SUPT3H: variants seen among roughly 807,000 people sequenced by gnomAD.
SUPT3H encodes the protein transcription initiation protein SPT3 homolog.
Under a neutral mutation model 44.3 loss-of-function variants are expected in SUPT3H, and 44 were observed. The observed-to-expected ratio is 0.99, with a 90% confidence interval of 0.78 to 1.28. SUPT3H has a LOEUF of 1.28. Among genes scored for constraint, SUPT3H ranks in the 50% most tolerant of loss-of-function variants. The pLI, the probability that SUPT3H is intolerant of heterozygous loss-of-function variation, is 0.00. For missense variants in SUPT3H, 380 were observed against 387.1 expected, an observed-to-expected ratio of 0.98 and a Z score of 0.15; for synonymous variants, 124 against 125.6, an observed-to-expected ratio of 0.99 and a Z score of 0.09.
At chr6:45,182,457 TCA>T (rs1447975734) in intron 2 of SUPT3H, among the ~76,000 whole-genome samples, 1 of 152,104 alleles carries the variant, frequency 6.6e-6, no homozygotes, top group Non-Finnish European at 1.5e-5. Context: ...AGATGGGGTT[TCA>T]CCACGCTGGC....
intron 9 of SUPT3H, among the ~76,000 whole-genome samples, chr6:44,942,634 T>C (rs1772641688): frequency 6.6e-6 from 1 of 152,172 alleles, no homozygotes; most frequent in Non-Finnish European, 1.5e-5. Context: ...GGTCTCACTA[T>C]GTCCGGGCTA....
intron 3 of SUPT3H, among the ~76,000 whole-genome samples, chr6:45,084,810 A>G (rs777344332): frequency 6.6e-6 from 1 of 152,216 alleles, no homozygotes; most frequent in Non-Finnish European, 1.5e-5. Flanking sequence ...TGTCCTTTGC[A>G]GAAACATTGA....
intron 11 of SUPT3H, among the ~76,000 whole-genome samples, chr6:44,810,729 A>G (rs1045317066): frequency 2.6e-5 from 4 of 152,016 alleles, no homozygotes; most frequent in Non-Finnish European, 5.9e-5. Flanking sequence ...AACATGGTGA[A>G]ACTCCGTCTC....
chr6:45,356,504 T>C (rs1015484989), intron 2 of SUPT3H, among the ~76,000 whole-genome samples: 1 of 151,940 alleles, frequency 6.6e-6, no homozygotes, highest in Admixed American at 6.6e-5. Flanking sequence ...ATCAAGCAAT[T>C]CTCCTGCCTC....
chr6:44,816,913 A>T (rs980227463), intron 11 of SUPT3H, among the ~76,000 whole-genome samples: 3 of 151,618 alleles, frequency 2.0e-5, no homozygotes, highest in African/African-American at 7.3e-5. Flanking sequence ...AACAAAAAAA[A>T]TGCCAGGCAT....
At chr6:45,151,820 A>G (rs1214147407) in intron 2 of SUPT3H, among the ~76,000 whole-genome samples, 2 of 152,174 alleles carry the variant, frequency 1.3e-5, no homozygotes, top group Non-Finnish European at 1.5e-5. Flanking sequence ...CTTAGCATTA[A>G]AACAGTTCAG....
intron 4 of SUPT3H, among the ~76,000 whole-genome samples, chr6:45,018,013 T>C (rs1321142461): frequency 1.3e-5 from 2 of 152,148 alleles, no homozygotes; most frequent in Admixed American, 6.5e-5. Context: ...GTATCCTCTT[T>C]TATTTCCTTG....
intron 2 of SUPT3H, among the ~76,000 whole-genome samples, chr6:45,264,785 G>A (rs971923059): frequency 6.6e-6 from 1 of 151,900 alleles, no homozygotes; most frequent in Non-Finnish European, 1.5e-5. Flanking sequence ...GGGAAAGAAA[G>A]AGAAAAGAAA....
At chr6:45,351,934 A>G (rs1015011819) in intron 2 of SUPT3H, among the ~76,000 whole-genome samples, 2 of 152,190 alleles carry the variant, frequency 1.3e-5, no homozygotes, top group Non-Finnish European at 2.9e-5. Context: ...CTTAGGCAAC[A>G]ATTAGTATAC....
intron 7 of SUPT3H, among the ~76,000 whole-genome samples, chr6:44,959,737 T>A (rs969939544): frequency 2.6e-5 from 4 of 152,220 alleles, no homozygotes; most frequent in African/African-American, 9.6e-5. Context: ...ACCCTCAGCC[T>A]ATAAAGTTAC....
chr6:44,983,611 T>C (rs577565710), intron 6 of SUPT3H, among the ~76,000 whole-genome samples: 32 of 152,178 alleles, frequency 2.1e-4, no homozygotes, highest in Non-Finnish European at 1.5e-4. Context: ...ACATTTAACC[T>C]GGCAAATGAA....
At chr6:44,974,027 T>C (rs980126334) in intron 6 of SUPT3H, among the ~76,000 whole-genome samples, 2 of 152,118 alleles carry the variant, frequency 1.3e-5, no homozygotes, top group African/African-American at 4.8e-5. Context: ...AACAGACTCC[T>C]AATGAGTCTT....
chr6:45,086,560 C>T (rs1055374477), intron 3 of SUPT3H, among the ~76,000 whole-genome samples: 6 of 151,980 alleles, frequency 3.9e-5, no homozygotes, highest in African/African-American at 9.7e-5. Context: ...CACTTAGACA[C>T]GTAGCTTGAA....
chr6:45,171,362 G>T (rs555029142), intron 2 of SUPT3H, among the ~76,000 whole-genome samples: 2 of 152,122 alleles, frequency 1.3e-5, no homozygotes, highest in African/African-American at 4.8e-5. Flanking sequence ...CAGTTTTGTT[G>T]TTTCTGTGTT....
intron 3 of SUPT3H, among the ~76,000 whole-genome samples, chr6:45,059,873 G>T (rs1791706630): frequency 6.6e-6 from 1 of 152,028 alleles, no homozygotes; most frequent in African/African-American, 2.4e-5. Flanking sequence ...AAATACCTGG[G>T]AATATAGCTA....
At chr6:45,193,762 A>G (rs1815533228) in intron 2 of SUPT3H, among the ~76,000 whole-genome samples, 1 of 152,140 alleles carries the variant, frequency 6.6e-6, no homozygotes, top group Non-Finnish European at 1.5e-5. Context: ...CTTTCTTAGA[A>G]AAGTTCAATC....
intron 2 of SUPT3H, among the ~76,000 whole-genome samples, chr6:45,181,429 C>A (rs561524086): frequency 6.6e-6 from 1 of 151,936 alleles, no homozygotes; most frequent in African/African-American, 2.4e-5. Context: ...ATGTTTATTG[C>A]GGCATTATTC....
At chr6:45,227,768 A>G (rs1158875376) in intron 2 of SUPT3H, among the ~76,000 whole-genome samples, 1 of 152,224 alleles carries the variant, frequency 6.6e-6, no homozygotes. Flanking sequence ...ACAGGTACCA[A>G]TCACTTCAAT....
chr6:44,887,990 C>A (rs1472658231), intron 10 of SUPT3H, among the ~76,000 whole-genome samples: 2 of 152,122 alleles, frequency 1.3e-5, no homozygotes, highest in Non-Finnish European at 2.9e-5. Context: ...ACTACAAACA[C>A]CTCTACACAA....
Sources: allele counts gnomAD v4.1 joint callset (sites outside exome capture counted in the v4.1 genomes callset), GRCh38; gene constraint gnomAD v4.1.1; transcripts MANE v1.5; gene names NCBI Gene and HGNC (gene_info 2026-07-23, HGNC 2026-07-21).